Variants in DARS1 observed in about 807,000 individuals in gnomAD.
DARS1 encodes aspartyl-tRNA synthetase 1.
A neutral mutation model predicts 68.8 loss-of-function variants in DARS1; 51 were observed. The ratio of observed to expected loss-of-function variants is 0.74; its 90% CI spans 0.59 to 0.94. The LOEUF (loss-of-function observed/expected upper bound fraction) is 0.94, where lower values mean the gene tolerates loss of function less well. DARS1 is among the 40% of genes least tolerant of loss of function. The pLI, the probability that DARS1 is intolerant of heterozygous loss-of-function variation, is 0.00. For synonymous variants in DARS1, 203 were observed against 190.4 expected, an observed-to-expected ratio of 1.07 and a Z score of -0.55; for missense variants, 607 against 597.3, an observed-to-expected ratio of 1.02 and a Z score of -0.17.
chr2:135,912,460 G>A, intron 13 of DARS1, 26 bp downstream of exon 13: 1 of 794,434 alleles, frequency 1.3e-6, no homozygotes, highest in African/African-American at 1.8e-5. Flanking sequence ...GCCTCAAAAT[G>A]GGTTACTTAA....
At chr2:135,915,148 GTTTT>G in intron 11 of DARS1, among the ~76,000 whole-genome samples, 1 of 151,836 alleles carries the variant, frequency 6.6e-6, no homozygotes, top group Non-Finnish European at 1.5e-5. Flanking sequence ...TGGGTGAATT[GTTTT>G]TTGAGAAACC....
In DARS1 at chr2:135,923,468, T is replaced by G. The variant is rs374532829; in HGVS notation, c.677-550A>C. On this transcript the variant is annotated intron_variant, in intron 8 of 15. Transcript: ENST00000264161. ...CCGCGCCCGGCTAGTTTTTGTATTT[T>G]TAGTACAGACGGGGTTTCATCATTT... 3.9e-5 allele frequency among the ~76,000 whole-genome samples: 6 copies of G among 152,222 alleles called. No individual in the cohort carries two copies. In the South Asian group the frequency reaches 1.2e-3, roughly 32 times the overall value.
Position 135,951,002 on chromosome 2 carries a change from T to C in DARS1, c.321-7522A>G, listed in dbSNP as rs566805549. Among the ~76,000 whole-genome samples the C allele has an allele frequency of 1.1e-4, 17 of 151,954 alleles. No individual in the cohort carries two copies. The South Asian group carries it at 3.3e-3, about 30-fold the overall frequency. ...AGAGGCTGAAAAGACTGGGAGAGAA[T>C]GTGGAGATGGATAAAAAGACTAGAA... On this transcript the variant is annotated intron_variant, in intron 4 of 15. Transcript: ENST00000264161.
chr2:135,971,383 G>A (rs946701695), intron 3 of DARS1, among the ~76,000 whole-genome samples: 1 of 152,002 alleles, frequency 6.6e-6, no homozygotes, highest in African/African-American at 2.4e-5. Flanking sequence ...AGCTGATAAA[G>A]TTCAAATCCC....
At chr2:135,943,512 A>G in intron 4 of DARS1, 32 bp from the exon 5 acceptor site, 1 of 1,608,584 alleles carries the variant, frequency 6.2e-7, no homozygotes, top group Non-Finnish European at 8.5e-7. Context: ...AACTTGAATC[A>G]TCTCATCAGA....
chr2:135,954,197 C>T (rs894635260), intron 4 of DARS1, among the ~76,000 whole-genome samples: 1 of 151,550 alleles, frequency 6.6e-6, no homozygotes. Flanking sequence ...CACACTATTT[C>T]AGAGAGGCAG....
At chr2:135,941,347 T>C (rs1308487831) in intron 5 of DARS1, among the ~76,000 whole-genome samples, 2 of 152,088 alleles carry the variant, frequency 1.3e-5, no homozygotes, top group Admixed American at 6.6e-5. Context: ...CCCTCAGAAA[T>C]AACACCGCAT....
chr2:135,958,747 T>C (rs997853108), intron 4 of DARS1, among the ~76,000 whole-genome samples: 4 of 152,216 alleles, frequency 2.6e-5, no homozygotes, highest in African/African-American at 9.6e-5. Context: ...ACCCACCTAC[T>C]GGTAATTATT....
In DARS1 at chr2:135,948,857, G is replaced by A. The variant is rs144078688; in HGVS notation, c.321-5377C>T. Among the ~76,000 whole-genome samples the A allele has an allele frequency of 6.0e-3, 882 of 147,314 alleles. 6 individuals carry two copies. The highest frequency in any genetic ancestry group is 0.021 in the African/African-American group (834 of 39,278). On this transcript the variant is annotated intron_variant, in intron 4 of 15. Coordinates refer to ENST00000264161, the MANE Select transcript of DARS1 (RefSeq NM_001349.4). ...TGCATTCCAGCCTAGGTGACAAAGC[G>A]AGACTCCGTCTCCCGTCTCCAAAAA...
chr2:135,907,690 C>T (rs1410860182), intron 15 of DARS1, among the ~76,000 whole-genome samples: 2 of 151,836 alleles, frequency 1.3e-5, no homozygotes, highest in Non-Finnish European at 2.9e-5. Context: ...TATGATGTAA[C>T]AATAAGAAAA....
At chr2:135,931,837 G>T (rs1326751090) in intron 7 of DARS1, among the ~76,000 whole-genome samples, 2 of 152,018 alleles carry the variant, frequency 1.3e-5, no homozygotes, top group Non-Finnish European at 1.5e-5. Flanking sequence ...TGGTGGCAAT[G>T]AATTTAAACA....
At chr2:135,915,795 A>G (rs1680992111) in intron 11 of DARS1, among the ~76,000 whole-genome samples, 1 of 152,088 alleles carries the variant, frequency 6.6e-6, no homozygotes. Flanking sequence ...CTCTAATACC[A>G]CTAATCTGGA....
intron 15 of DARS1, among the ~76,000 whole-genome samples, chr2:135,908,812 A>G (rs1575380157): frequency 6.6e-6 from 1 of 152,086 alleles, no homozygotes. Flanking sequence ...GTGGATTCTG[A>G]GTAATAAAGA....
In DARS1 at chr2:135,969,347, A is replaced by G. The variant is rs904118930; in HGVS notation, c.218-7849T>C. Among the ~76,000 whole-genome samples the G allele has an allele frequency of 2.0e-5, 3 of 152,142 alleles. 1 individual carries two copies. Among genetic ancestry groups the G allele is most frequent in the African/African-American group, 7.2e-5 (3 of 41,424 alleles). On this transcript the variant is annotated intron_variant, in intron 3 of 15. Coordinates refer to ENST00000264161, the MANE Select transcript of DARS1 (RefSeq NM_001349.4). ...ATGTGCACATACGTGCATTATAAAG[A>G]TTTGGAAAGACACAGAACAAATTAA...
intron 13 of DARS1, among the ~76,000 whole-genome samples, chr2:135,912,170 A>G (rs2104793265): frequency 6.6e-6 from 1 of 152,348 alleles, no homozygotes; most frequent in South Asian, 2.1e-4. Flanking sequence ...GTTTAAGGTC[A>G]ATGACAGGAT....
chr2:135,975,052 A>C (rs911631673), intron 3 of DARS1, among the ~76,000 whole-genome samples: 4 of 152,228 alleles, frequency 2.6e-5, no homozygotes, highest in African/African-American at 9.6e-5. Flanking sequence ...ACCATTAAAA[A>C]ACAATGATGC....
intron 1 of DARS1, 71 bp downstream of exon 1, chr2:135,985,326 ACTCCCC>A: frequency 6.5e-7 from 1 of 1,545,134 alleles, no homozygotes; most frequent in South Asian, 1.2e-5. Flanking sequence ...GTAGGGCCCC[ACTCCCC>A]CTCCTCCCTC....
In DARS1 at chr2:135,911,616, C is replaced by T. The variant is rs1680898883; in HGVS notation, c.1231-123G>A. On this transcript the variant is annotated intron_variant, in intron 13 of 15. Transcript: ENST00000264161. ...TTTTTCCTACAATTAACAATGCAATCTTGTTCTCTAAAGTAGAATTAAACT... is the reference window on the plus strand; with the variant it reads ...TTTTTCCTACAATTAACAATGCAATTTTGTTCTCTAAAGTAGAATTAAACT... The T allele has an allele frequency of 8.0e-6, 5 of 627,186 alleles. No homozygotes were observed. In the South Asian group the frequency reaches 9.8e-5, roughly 12 times the overall value. The allele number at this position is 627,186 out of a possible 1,614,324, so 38.9% of individuals were successfully genotyped here.
intron 3 of DARS1, among the ~76,000 whole-genome samples, chr2:135,966,203 A>C (rs934798193): frequency 6.6e-6 from 1 of 152,060 alleles, no homozygotes; most frequent in Non-Finnish European, 1.5e-5. Flanking sequence ...CACACAAGAA[A>C]GAACAGTGGC....
Sources: allele counts gnomAD v4.1 joint callset (sites outside exome capture counted in the v4.1 genomes callset), GRCh38; gene constraint gnomAD v4.1.1; transcripts MANE v1.5; gene names NCBI Gene and HGNC (gene_info 2026-07-23, HGNC 2026-07-21).